PAQR4: variants seen among roughly 807,000 people sequenced by gnomAD.
The protein encoded by PAQR4 is progestin and adipoQ receptor family member IV.
A neutral mutation model predicts 20.9 loss-of-function variants in PAQR4; 26 were observed. The observed-to-expected ratio is 1.24, with a 90% CI of 0.91 to 1.73. The LOEUF (loss-of-function observed/expected upper bound fraction) is 1.73. Ranked by LOEUF, PAQR4 falls within the 40% of genes most tolerant of loss-of-function variation. The probability of loss-of-function intolerance (pLI) is 0.00; values close to 1 mark genes in which losing one functional copy is unlikely to be tolerated. For synonymous variants in PAQR4, 193 were observed against 171.6 expected, an observed-to-expected ratio of 1.12 and a Z score of -0.97; for missense variants, 400 against 380.1, an observed-to-expected ratio of 1.05 and a Z score of -0.44.
chr16:2,971,783 A>C lies in PAQR4; in HGVS notation c.657A>C (p.Val219=). The C allele has an allele frequency of 6.2e-7, 1 of 1,612,956 alleles. No individual in the cohort carries two copies. The highest frequency in any genetic ancestry group is 8.5e-7 in the Non-Finnish European group (1 of 1,179,904). ...CACTGGCGCTGCTTGGGGGACTGGTAAATGTAGCCCGTCTGCCCGAGCGCT... is the reference window on the plus strand; with the variant it reads ...CACTGGCGCTGCTTGGGGGACTGGTCAATGTAGCCCGTCTGCCCGAGCGCT... The part of the protein sequence containing the change: ...MDALALLGGL[V]NVARLPERWG... The change falls in exon 3 of 3, where the codon GTA becomes GTC. Residue 219 remains valine (V), a synonymous_variant. Coordinates refer to ENST00000318782, the MANE Select transcript of PAQR4 (RefSeq NM_152341.5).
chr16:2,971,816 T>C lies in PAQR4; in HGVS notation c.690T>C (p.Pro230=), dbSNP rs1286631200. 6.2e-6 allele frequency: 10 copies of C among 1,612,768 alleles called. No homozygotes were observed. Among genetic ancestry groups the C allele is most frequent in the Non-Finnish European group, 8.5e-6 (10 of 1,179,896 alleles). Residue 230 remains proline (P), a synonymous_variant, in exon 3 of 3, where the codon CCT becomes CCC. Coordinates refer to ENST00000318782, the MANE Select transcript of PAQR4 (RefSeq NM_152341.5). Reference sequence around the variant, plus strand: ...CCCGTCTGCCCGAGCGCTGGGGACCTGGCCGCTTTGACTACTGGGGCAACT... The same window carrying C: ...CCCGTCTGCCCGAGCGCTGGGGACCCGGCCGCTTTGACTACTGGGGCAACT... The part of the protein sequence containing the change: ...NVARLPERWG[P]GRFDYWGNSH...
chr16:2,970,134 G>A (rs2071942410), intron 1 of PAQR4: 2 of 363,820 alleles, frequency 5.5e-6, no homozygotes, highest in Non-Finnish European at 1.0e-5. Flanking sequence ...TGTAATCCCA[G>A]CGCCCTGGGA....
Position 2,972,128 on chromosome 16 carries a change from CCAACTT to C in PAQR4, c.*182_*187del. ...CCTCTTCCACCCACGCCGTGGCGCT[CCAACTT>C]CCTTCCCTGCCTTTTCCCTCCAAGC... On this transcript the variant is annotated 3_prime_UTR_variant, in exon 3 of 3. Transcript: ENST00000318782. 1 of 622,804 alleles carries C rather than the reference CCAACTT, an allele frequency of 1.6e-6. No homozygotes were observed. Among genetic ancestry groups the C allele is most frequent in the Non-Finnish European group, 2.7e-6 (1 of 371,798 alleles). 38.6% of individuals were successfully genotyped at this position (622,804 alleles called of 1,614,324 possible).
Position 2,971,770 on chromosome 16 carries a change from T to C in PAQR4, c.644T>C (p.Leu215Pro), listed in dbSNP as rs772603915. Residue 215 changes from leucine to proline, a missense_variant, in exon 3 of 3, where the codon CTT becomes CCT. By Grantham distance (98) the Leu-to-Pro change is moderately conservative. Transcript: ENST00000318782. ...CTGCGCATGGACGCACTGGCGCTGC[T>C]TGGGGGACTGGTAAATGTAGCCCGT... ...CYLRMDALAL[L>P]GGLVNVARLP... 3.7e-6 allele frequency: 6 copies of C among 1,612,888 alleles called. No homozygotes were observed. In the South Asian group the frequency reaches 5.5e-5, roughly 15 times the overall value.
intron 1 of PAQR4, chr16:2,970,902 T>G: frequency 1.7e-6 from 1 of 595,878 alleles, no homozygotes; most frequent in Non-Finnish European, 3.0e-6. Flanking sequence ...GGCCGGTCAC[T>G]CAGCCCCTCC....
Position 2,969,680 on chromosome 16 carries a change from G to C in PAQR4, c.6G>C (p.Ala2=). 1 of 1,566,026 alleles carries C rather than the reference G, an allele frequency of 6.4e-7. No individual in the cohort carries two copies. The highest frequency in any genetic ancestry group is 8.6e-7 in the Non-Finnish European group (1 of 1,158,634). The change falls in exon 1 of 3, where the codon GCG becomes GCC. Residue 2 remains alanine, a synonymous_variant. Transcript: ENST00000318782. M[A]FLAGPRLLDW... ...CTGCCCGCGCGGTGCGGACCATGGC[G>C]TTCCTGGCCGGGCCGCGCCTGCTGG...
In PAQR4 at chr16:2,971,640, G is replaced by T. The variant is rs371765105; in HGVS notation, c.514G>T (p.Ala172Ser). The change falls in exon 3 of 3, where the codon GCT becomes TCT. Residue 172 changes from alanine (A) to serine (S), a missense_variant. Ala to Ser is a moderately conservative substitution (Grantham distance 99). Transcript: ENST00000318782. ...WRALTAPSTS[A>S]RLRAFGWQAA... ...TGCTCTCACCGCCCCCTCCACCAGTGCTCGGCTCCGGGCATTTGGATGGCA... is the reference window on the plus strand; with the variant it reads ...TGCTCTCACCGCCCCCTCCACCAGTTCTCGGCTCCGGGCATTTGGATGGCA... The T allele has an allele frequency of 5.6e-6, 9 of 1,608,394 alleles. No homozygotes were observed. Among genetic ancestry groups the T allele is most frequent in the Non-Finnish European group, 7.6e-6 (9 of 1,179,874 alleles).
In PAQR4 at chr16:2,969,758, G is replaced by A. The variant is rs1302161022; in HGVS notation, c.84G>A (p.Gly28=). ...HLQFNKFVLT[G]YRPASSGSGC... ...AGTTCAATAAGTTCGTGCTGACCGG[G>A]TACCGGCCCGCCAGCAGCGGCTCGG... The change falls in exon 1 of 3, where the codon GGG becomes GGA. Residue 28 remains glycine (G), a synonymous_variant. Coordinates refer to ENST00000318782, the MANE Select transcript of PAQR4 (RefSeq NM_152341.5). The A allele has an allele frequency of 6.2e-7, 1 of 1,610,852 alleles. No homozygotes were observed. The highest frequency in any genetic ancestry group is 8.5e-7 in the Non-Finnish European group (1 of 1,179,170).
chr16:2,973,422 T>C lies in PAQR4; in HGVS notation c.*1474T>C. 1.1e-5 allele frequency: 17 copies of C among 1,532,868 alleles called. No individual in the cohort carries two copies. Among genetic ancestry groups the C allele is most frequent in the Non-Finnish European group, 1.5e-5 (17 of 1,144,602 alleles). 95.0% of individuals were successfully genotyped at this position (1,532,868 alleles called of 1,614,324 possible). Reference sequence around the variant, plus strand: ...CATCTGGCTGCACTCCAAGGCCCCCTCTGTCCTTTTCAGAACACATGGACT... The same window carrying C: ...CATCTGGCTGCACTCCAAGGCCCCCCCTGTCCTTTTCAGAACACATGGACT... On this transcript the variant is annotated 3_prime_UTR_variant, in exon 3 of 3. Coordinates refer to ENST00000318782, the MANE Select transcript of PAQR4 (RefSeq NM_152341.5).
chr16:2,971,746 T>C lies in PAQR4; in HGVS notation c.620T>C (p.Leu207Pro), dbSNP rs751339569. 1.9e-6 allele frequency: 3 copies of C among 1,612,888 alleles called. No individual in the cohort carries two copies. The Admixed American group carries it at 5.0e-5, about 27-fold the overall frequency. ...GCTCCAGGCTCCCTGCCCTGCTACC[T>C]GCGCATGGACGCACTGGCGCTGCTT... ...SGAPGSLPCY[L>P]RMDALALLGG... The change falls in exon 3 of 3, where the codon CTG becomes CCG. Residue 207 changes from leucine to proline, a missense_variant. Physicochemically the swap from Leu to Pro is moderately conservative, Grantham distance 98. Coordinates refer to ENST00000318782, the MANE Select transcript of PAQR4 (RefSeq NM_152341.5).
In PAQR4 at chr16:2,973,182, C is replaced by A. The variant is rs973791687; in HGVS notation, c.*1234C>A. The A allele has an allele frequency of 1.3e-6, 2 of 1,527,318 alleles. No individual in the cohort carries two copies. Among genetic ancestry groups the A allele is most frequent in the South Asian group, 2.5e-5 (2 of 78,722 alleles). The allele number at this position is 1,527,318 out of a possible 1,614,324, so 94.6% of individuals were successfully genotyped here. On this transcript the variant is annotated 3_prime_UTR_variant, in exon 3 of 3. Transcript: ENST00000318782. ...GGGGGGTGGAGGTGCTCCCCACAGT[C>A]CGGGCCAGGACAGCCTCAGGGGAGA...
In PAQR4 at chr16:2,971,566, C is replaced by G; in HGVS notation, c.440C>G (p.Pro147Arg). 2 of 1,597,330 alleles carry G rather than the reference C, an allele frequency of 1.3e-6. No individual in the cohort carries two copies. The highest frequency in any genetic ancestry group is 1.7e-6 in the Non-Finnish European group (2 of 1,177,630). ...CTGGCCTGCAGGCCCTGGCTGCGCC[C>G]GGCTGCCCTGGTGGGCTACACTGTG... ...CTLACRPWLR[P>R]AALVGYTVLS... The change falls in exon 3 of 3, where the codon CCG becomes CGG. Residue 147 changes from proline (P) to arginine (R), a missense_variant. Transcript: ENST00000318782.
rs1674438077 is a variant in PAQR4, at chr16:2,973,075, A to G, written c.*1127A>G. ...AGGTCCAGGGCATCCCTGGGAGGAG[A>G]GAGTAGTGACACTCAGGATCCAAAA... On this transcript the variant is annotated 3_prime_UTR_variant, in exon 3 of 3. Coordinates refer to ENST00000318782, the MANE Select transcript of PAQR4 (RefSeq NM_152341.5). 6.3e-7 allele frequency: 1 copy of G among 1,589,086 alleles called. No individual in the cohort carries two copies. Among genetic ancestry groups the G allele is most frequent in the African/African-American group, 1.3e-5 (1 of 74,702 alleles).
rs756537778 is a variant in PAQR4 at position 2,973,183 on chromosome 16, C to G, written c.*1235C>G. The G allele has an allele frequency of 1.3e-6, 2 of 1,522,940 alleles. No individual in the cohort carries two copies. The highest frequency in any genetic ancestry group is 8.8e-7 in the Non-Finnish European group (1 of 1,130,532). The allele number at this position is 1,522,940 out of a possible 1,614,324, so 94.3% of individuals were successfully genotyped here. ...GGGGGTGGAGGTGCTCCCCACAGTC[C>G]GGGCCAGGACAGCCTCAGGGGAGAG... On this transcript the variant is annotated 3_prime_UTR_variant, in exon 3 of 3. Coordinates refer to ENST00000318782, the MANE Select transcript of PAQR4 (RefSeq NM_152341.5).
chr16:2,971,563 G>A lies in PAQR4; in HGVS notation c.437G>A (p.Arg146His), dbSNP rs201549871. Reference protein sequence around the residue: ...HCTLACRPWLRPAALVGYTVL... With the variant: ...HCTLACRPWLHPAALVGYTVL... ...ACCCTGGCCTGCAGGCCCTGGCTGC[G>A]CCCGGCTGCCCTGGTGGGCTACACT... Residue 146 changes from arginine (R) to histidine (H), a missense_variant, in exon 3 of 3, where the codon CGC (arginine) becomes CAC (histidine). Coordinates refer to ENST00000318782, the MANE Select transcript of PAQR4 (RefSeq NM_152341.5). The A allele has an allele frequency of 6.0e-5, 96 of 1,596,566 alleles. 1 individual carries two copies. The East Asian group carries it at 1.7e-3, about 27-fold the overall frequency.
At chr16:2,970,409 C>T (rs2071953573) in intron 1 of PAQR4, among the ~76,000 whole-genome samples, 1 of 152,246 alleles carries the variant, frequency 6.6e-6, no homozygotes, top group African/African-American at 2.4e-5. Flanking sequence ...AGCCTGGGTG[C>T]CTTTCCCGAG....
chr16:2,969,819 C>A lies in PAQR4; in HGVS notation c.145C>A (p.Leu49Met), dbSNP rs374390255. 6.8e-6 allele frequency: 11 copies of A among 1,610,832 alleles called. No homozygotes were observed. The highest frequency in any genetic ancestry group is 9.3e-6 in the Non-Finnish European group (11 of 1,179,070). Residue 49 changes from leucine (L) to methionine (M), a missense_variant, in exon 1 of 3, where the codon CTG becomes ATG. Transcript: ENST00000318782. ...LRSLFYLHNE[L>M]GNIYTHGLAL... Reference sequence around the variant, plus strand: ...CAGCCTCTTCTACCTGCACAACGAACTGGGCAACATCTACACGCACGGTGA... The same window carrying A: ...CAGCCTCTTCTACCTGCACAACGAAATGGGCAACATCTACACGCACGGTGA...
rs2072063153 is a variant in PAQR4, at chr16:2,973,314, A to C, written c.*1366A>C. The C allele has an allele frequency of 7.9e-6, 12 of 1,518,652 alleles. No individual in the cohort carries two copies. Among genetic ancestry groups the C allele is most frequent in the Non-Finnish European group, 1.1e-5 (12 of 1,134,364 alleles). The allele number at this position is 1,518,652 out of a possible 1,614,324, so 94.1% of individuals were successfully genotyped here. On this transcript the variant is annotated 3_prime_UTR_variant, in exon 3 of 3. Coordinates refer to ENST00000318782, the MANE Select transcript of PAQR4 (RefSeq NM_152341.5). ...TGCAGGCTCCAGGCTCCCGCCTGAC[A>C]AACAGGCAGGGAGCCACAGTCAGGG... is the stretch of plus-strand genomic sequence containing the variant.
Position 2,971,857 on chromosome 16 carries a change from A to G in PAQR4, c.731A>G (p.His244Arg), listed in dbSNP as rs1403303223. ...DYWGNSHQIM[H>R]LLSVGSILQL... ...TGGGGCAACTCCCACCAGATCATGCACCTGCTGAGCGTGGGCTCCATCCTG... is the reference window on the plus strand; with the variant it reads ...TGGGGCAACTCCCACCAGATCATGCGCCTGCTGAGCGTGGGCTCCATCCTG... The change falls in exon 3 of 3, where the codon CAC (histidine) becomes CGC (arginine). Residue 244 changes from histidine to arginine, a missense_variant. Physicochemically the swap from His to Arg is conservative, Grantham distance 29 (BLOSUM62 0). Coordinates refer to ENST00000318782, the MANE Select transcript of PAQR4 (RefSeq NM_152341.5). The G allele has an allele frequency of 1.9e-6, 3 of 1,612,088 alleles. No homozygotes were observed. Among genetic ancestry groups the G allele is most frequent in the Non-Finnish European group, 2.5e-6 (3 of 1,179,886 alleles).
Sources: allele counts gnomAD v4.1 joint callset (sites outside exome capture counted in the v4.1 genomes callset), GRCh38; gene constraint gnomAD v4.1.1; transcripts MANE v1.5; gene names NCBI Gene and HGNC (gene_info 2026-07-23, HGNC 2026-07-21).